The following NTM variants were observed in gnomAD, a reference collection of about 807,000 sequenced individuals.
NTM encodes the protein IgLON family member 2.
A neutral mutation model predicts 42.1 loss-of-function variants in NTM; 13 were observed. That is an observed-to-expected ratio of 0.31 (90% CI 0.20 to 0.49). NTM has a LOEUF of 0.49. Among genes scored for constraint, NTM ranks in the 20% least tolerant of loss-of-function variants. The pLI, the probability that NTM is intolerant of heterozygous loss-of-function variation, is 0.99. For synonymous variants in NTM, 187 were observed against 179.2 expected (o/e 1.04, Z -0.35); for missense variants, 373 against 452.8 (o/e 0.82, Z 1.60).
chr11:131,627,052 G>C (rs888879033), intron 1 of NTM, among the ~76,000 whole-genome samples: 2 of 152,168 alleles, frequency 1.3e-5, no homozygotes, highest in Admixed American at 1.3e-4. Context: ...GGGCTCAGGC[G>C]CTGGAATGGG....
intron 2 of NTM, among the ~76,000 whole-genome samples, chr11:132,065,798 A>G (rs2056388334): frequency 6.6e-6 from 1 of 152,198 alleles, no homozygotes; most frequent in Admixed American, 6.5e-5. Context: ...CATCGTAACA[A>G]TTGGGTGAAG....
intron 2 of NTM, among the ~76,000 whole-genome samples, chr11:131,933,378 C>T (rs1033918198): frequency 6.6e-6 from 1 of 152,182 alleles, no homozygotes; most frequent in African/African-American, 2.4e-5. Context: ...TATTGTTTTC[C>T]AAACACCTTG....
intron 2 of NTM, among the ~76,000 whole-genome samples, chr11:131,938,025 G>T (rs946857716): frequency 6.6e-6 from 1 of 152,144 alleles, no homozygotes; most frequent in Non-Finnish European, 1.5e-5. Context: ...CCCATCATTT[G>T]TTCATTCCTT....
At chr11:131,955,186 C>T (rs2061430410) in intron 2 of NTM, among the ~76,000 whole-genome samples, 1 of 152,158 alleles carries the variant, frequency 6.6e-6, no homozygotes, top group African/African-American at 2.4e-5. Flanking sequence ...CCTCAGCCCG[C>T]TTGGTTCTTC....
chr11:131,921,007 A>T (rs2057142623), intron 2 of NTM, among the ~76,000 whole-genome samples: 1 of 152,206 alleles, frequency 6.6e-6, no homozygotes, highest in South Asian at 2.1e-4. Flanking sequence ...TCAATCCAAA[A>T]TTCTAACCCT....
At chr11:132,149,248 G>T (rs1199803820) in intron 3 of NTM, among the ~76,000 whole-genome samples, 2 of 92,190 alleles carry the variant, frequency 2.2e-5, no homozygotes, top group African/African-American at 9.1e-5. Context: ...AAAAAAAAAG[G>T]GAAAGAAATA....
At chr11:131,970,809 A>G (rs1348233749) in intron 2 of NTM, among the ~76,000 whole-genome samples, 2 of 152,146 alleles carry the variant, frequency 1.3e-5, no homozygotes, top group East Asian at 3.9e-4. Context: ...GGGATCATTG[A>G]TCCCCAAAAG....
chr11:131,818,931 A>G (rs1021743731), intron 1 of NTM, among the ~76,000 whole-genome samples: 3 of 152,186 alleles, frequency 2.0e-5, no homozygotes, highest in Non-Finnish European at 2.9e-5. Context: ...GAGTTCTGGG[A>G]TTTGGGGCTT....
chr11:131,928,898 C>A (rs2058264904), intron 2 of NTM, among the ~76,000 whole-genome samples: 1 of 152,246 alleles, frequency 6.6e-6, no homozygotes, highest in Admixed American at 6.5e-5. Context: ...GGTGAAAATC[C>A]TGCAAACAGC....
chr11:131,884,647 C>T (rs943911045), intron 1 of NTM, among the ~76,000 whole-genome samples: 8 of 152,004 alleles, frequency 5.3e-5, no homozygotes, highest in Non-Finnish European at 1.0e-4. Flanking sequence ...CAGGGAAACA[C>T]GGGTCCCAGG....
chr11:132,302,399 T>C (rs2094898952), intron 4 of NTM, among the ~76,000 whole-genome samples: 1 of 152,326 alleles, frequency 6.6e-6, no homozygotes. Context: ...ATCTTTTCTG[T>C]TAGAACACTA....
intron 2 of NTM, among the ~76,000 whole-genome samples, chr11:132,081,105 A>G (rs573590037): frequency 5.6e-4 from 85 of 152,350 alleles, no homozygotes; most frequent in African/African-American, 2.0e-3. Context: ...AGTCCCTCAA[A>G]TGAGGAAGAG....
intron 2 of NTM, among the ~76,000 whole-genome samples, chr11:132,066,423 T>C (rs942961610): frequency 6.6e-6 from 1 of 152,220 alleles, no homozygotes; most frequent in African/African-American, 2.4e-5. Flanking sequence ...GACTGATGAC[T>C]TTCTCATTTT....
intron 2 of NTM, among the ~76,000 whole-genome samples, chr11:132,063,919 A>C (rs2081058020): frequency 6.6e-6 from 1 of 152,208 alleles, no homozygotes; most frequent in Non-Finnish European, 1.5e-5. Flanking sequence ...GAGAGTCAGA[A>C]TCTGTTAAAA....
chr11:131,958,234 G>A (rs970447332), intron 2 of NTM, among the ~76,000 whole-genome samples: 3 of 152,038 alleles, frequency 2.0e-5, no homozygotes, highest in Admixed American at 1.3e-4. Context: ...AACGTAAAAG[G>A]CACTCAGAAA....
chr11:131,732,604 A>G (rs975989012), intron 1 of NTM, among the ~76,000 whole-genome samples: 9 of 152,226 alleles, frequency 5.9e-5, no homozygotes, highest in African/African-American at 2.2e-4. Flanking sequence ...CGGGTGTTTC[A>G]TTCACAGAAA....
chr11:131,427,513 A>C (rs576482364), intron 1 of NTM, among the ~76,000 whole-genome samples: 2 of 152,334 alleles, frequency 1.3e-5, no homozygotes, highest in South Asian at 4.1e-4. Context: ...CAGGGTGGAC[A>C]AATCTGAAAC....
intron 2 of NTM, among the ~76,000 whole-genome samples, chr11:132,100,834 G>A (rs1232481938): frequency 6.6e-6 from 1 of 152,200 alleles, no homozygotes; most frequent in Non-Finnish European, 1.5e-5. Flanking sequence ...GAGTATCACT[G>A]TCAGACTTTA....
chr11:131,627,470 G>A (rs1297621179), intron 1 of NTM, among the ~76,000 whole-genome samples: 1 of 152,082 alleles, frequency 6.6e-6, no homozygotes, highest in East Asian at 1.9e-4. Context: ...TGATGGCCAG[G>A]CAAGGACCTC....
Sources: allele counts gnomAD v4.1 joint callset (sites outside exome capture counted in the v4.1 genomes callset), GRCh38; gene constraint gnomAD v4.1.1; transcripts MANE v1.5; gene names NCBI Gene and HGNC (gene_info 2026-07-23, HGNC 2026-07-21).